Variants in RAB22A observed in about 807,000 individuals in gnomAD.
RAB22A encodes RAB22A, member RAS oncogene family.
Under a neutral mutation model 30.2 loss-of-function variants are expected in RAB22A, and 13 were observed. The observed-to-expected ratio is 0.43, with a 90% CI of 0.28 to 0.68. The LOEUF (loss-of-function observed/expected upper bound fraction) is 0.68. Ranked by LOEUF, RAB22A falls within the 30% of genes least tolerant of loss-of-function variation. The pLI, the probability that RAB22A is intolerant of heterozygous loss-of-function variation, is 0.18. For synonymous variants in RAB22A, 89 were observed against 87.2 expected (o/e 1.02, Z -0.11); for missense variants, 177 against 246.8 (o/e 0.72, Z 1.89).
At chr20:58,324,849 G>C (rs1181787972) in intron 2 of RAB22A, among the ~76,000 whole-genome samples, 4 of 122,638 alleles carry the variant, frequency 3.3e-5, no homozygotes, top group African/African-American at 1.2e-4. Context: ...CCTGGTGACA[G>C]AGCGAGACTC....
intron 2 of RAB22A, among the ~76,000 whole-genome samples, chr20:58,342,794 C>T (rs946290180): frequency 1.3e-5 from 2 of 152,042 alleles, no homozygotes; most frequent in Admixed American, 6.6e-5. Flanking sequence ...TCCTGGGAGG[C>T]TGCCCTCTGG....
intron 2 of RAB22A, among the ~76,000 whole-genome samples, chr20:58,326,674 A>G (rs1410267185): frequency 1.3e-5 from 2 of 152,104 alleles, no homozygotes; most frequent in Admixed American, 1.3e-4. Context: ...TTCCTTTGGG[A>G]ACTAGAGTAG....
At position 58,354,845 on chromosome 20, in the gene RAB22A, G is replaced by C. The variant is rs141681459; in HGVS notation, c.487+580G>C. ...TGTTCCAGGCTCAGGGGAAATAGCC[G>C]TGAAGAAGATAGACGCAGCCCCTGC... On this transcript the variant is annotated intron_variant, in intron 6 of 6. Transcript: ENST00000244040. Among the ~76,000 whole-genome samples, 646 of 152,318 alleles carry C rather than the reference G, an allele frequency of 4.2e-3. 5 individuals carry two copies. The highest frequency in any genetic ancestry group is 0.015 in the African/African-American group (630 of 41,566).
intron 2 of RAB22A, among the ~76,000 whole-genome samples, chr20:58,336,481 G>T (rs6128321): frequency 6.6e-6 from 1 of 152,122 alleles, no homozygotes; most frequent in African/African-American, 2.4e-5. Context: ...GAGACTTTAA[G>T]GATACTGCCT....
At chr20:58,344,235 A>G (rs1236310585) in intron 3 of RAB22A, among the ~76,000 whole-genome samples, 1 of 152,230 alleles carries the variant, frequency 6.6e-6, no homozygotes, top group Non-Finnish European at 1.5e-5. Context: ...AGTGAAAAGG[A>G]TAAGCTAACA....
intron 2 of RAB22A, among the ~76,000 whole-genome samples, chr20:58,335,424 TA>T (rs1216065341): frequency 6.6e-6 from 1 of 152,114 alleles, no homozygotes; most frequent in Non-Finnish European, 1.5e-5. Context: ...GTACTCAATA[TA>T]ATACAGGAAA....
intron 3 of RAB22A, among the ~76,000 whole-genome samples, chr20:58,344,229 A>T (rs763275344): frequency 6.6e-6 from 1 of 152,248 alleles, no homozygotes; most frequent in Non-Finnish European, 1.5e-5. Context: ...GATATAAGTG[A>T]AAAGGATAAG....
In RAB22A at chr20:58,341,748, C is replaced by CT. The variant is rs1986857082; in HGVS notation, c.117-1968dup. ...GTAATGTTTTAATTAAAGGTAAATG[C>CT]TTGGCAGGTAGGTTAAACTTCATTG... On this transcript the variant is annotated intron_variant, in intron 2 of 6. Coordinates refer to ENST00000244040, the MANE Select transcript of RAB22A (RefSeq NM_020673.3). Among the ~76,000 whole-genome samples, 20 of 152,254 alleles carry CT rather than the reference C, an allele frequency of 1.3e-4. No homozygotes were observed. In the South Asian group the frequency reaches 4.1e-3, roughly 32 times the overall value.
chr20:58,317,553 ATTC>A, intron 2 of RAB22A, among the ~76,000 whole-genome samples: 1 of 143,516 alleles, frequency 7.0e-6, no homozygotes, highest in African/African-American at 2.6e-5. Flanking sequence ...GGTAGTTATT[ATTC>A]TTTTTTTTTT....
At chr20:58,311,325 A>G (rs1986221941) in intron 2 of RAB22A, among the ~76,000 whole-genome samples, 1 of 152,228 alleles carries the variant, frequency 6.6e-6, no homozygotes, top group Non-Finnish European at 1.5e-5. Context: ...TGGGGGTGAG[A>G]ACTTCAAAAT....
chr20:58,321,157 C>T (rs1022240071), intron 2 of RAB22A, among the ~76,000 whole-genome samples: 2 of 150,652 alleles, frequency 1.3e-5, no homozygotes, highest in African/African-American at 4.9e-5. Flanking sequence ...CGCCACTGCC[C>T]TCCAGCCTGG....
intron 2 of RAB22A, among the ~76,000 whole-genome samples, chr20:58,321,969 T>G (rs1986469374): frequency 1.3e-5 from 2 of 152,176 alleles, no homozygotes; most frequent in South Asian, 4.1e-4. Context: ...TGGCTAATTT[T>G]TTTCATTTTT....
At chr20:58,334,547 G>A (rs1223401983) in intron 2 of RAB22A, among the ~76,000 whole-genome samples, 1 of 151,290 alleles carries the variant, frequency 6.6e-6, no homozygotes, top group African/African-American at 2.4e-5. Context: ...GTTTTGCCTG[G>A]GATAGGGACA....
Position 58,337,591 on chromosome 20 carries a change from C to T in RAB22A, c.117-6127C>T, listed in dbSNP as rs565805203. Among the ~76,000 whole-genome samples, 7 of 152,262 alleles carry T rather than the reference C, an allele frequency of 4.6e-5. No homozygotes were observed. In the South Asian group the frequency reaches 1.5e-3, roughly 32 times the overall value. ...AATTATCTATTCACCTGACCAGTAC[C>T]CCCAGTGTAAGCCACTTGAGGGCTG... On this transcript the variant is annotated intron_variant, in intron 2 of 6. Coordinates refer to ENST00000244040, the MANE Select transcript of RAB22A (RefSeq NM_020673.3).
Position 58,361,930 on chromosome 20 carries a change from G to A in RAB22A, c.*2227G>A, listed in dbSNP as rs1332184898. The A allele has an allele frequency of 6.6e-6, 1 of 152,064 alleles. No homozygotes were observed. Among genetic ancestry groups the A allele is most frequent in the Non-Finnish European group, 1.5e-5 (1 of 68,026 alleles). 9.4% of individuals were successfully genotyped at this position (152,064 alleles called of 1,614,324 possible). On this transcript the variant is annotated 3_prime_UTR_variant, in exon 7 of 7. Coordinates refer to ENST00000244040, the MANE Select transcript of RAB22A (RefSeq NM_020673.3). ...TGGATGTGTCTGATCTTACTGTGATGTTTTACTGTACCGAGCCCAATGTGG... is the reference window on the plus strand; with the variant it reads ...TGGATGTGTCTGATCTTACTGTGATATTTTACTGTACCGAGCCCAATGTGG...
intron 3 of RAB22A, chr20:58,345,738 C>T (rs1342155826): frequency 6.6e-6 from 1 of 152,230 alleles, no homozygotes; most frequent in Non-Finnish European, 1.5e-5. Context: ...GTCTTGTAAG[C>T]CTGTCTGGGT....
intron 2 of RAB22A, among the ~76,000 whole-genome samples, chr20:58,316,687 G>A (rs1986346832): frequency 6.6e-6 from 1 of 152,158 alleles, no homozygotes; most frequent in Admixed American, 6.5e-5. Flanking sequence ...TTAAGCTCTA[G>A]ACCTGCAGAT....
intron 5 of RAB22A, among the ~76,000 whole-genome samples, 156 bp downstream of exon 5, chr20:58,353,694 A>C (rs1478362937): frequency 6.6e-6 from 1 of 152,230 alleles, no homozygotes; most frequent in Non-Finnish European, 1.5e-5. Context: ...AACTAAAATT[A>C]AGATTTCAGG....
Position 58,309,966 on chromosome 20 carries a change from G to C in RAB22A, c.-11G>C. 1.6e-6 allele frequency: 2 copies of C among 1,264,798 alleles called. No homozygotes were observed. The highest frequency in any genetic ancestry group is 2.0e-6 in the Non-Finnish European group (2 of 997,296). 78.3% of individuals were successfully genotyped at this position (1,264,798 alleles called of 1,614,324 possible). On this transcript the variant is annotated 5_prime_UTR_variant, in exon 1 of 7. Transcript: ENST00000244040. ...GGGCGGCGGCGGGCCCGCGCCCCTG[G>C]CTCCCGGGCCATGGCGCTGAGGGAG...
Sources: allele counts gnomAD v4.1 joint callset (sites outside exome capture counted in the v4.1 genomes callset), GRCh38; gene constraint gnomAD v4.1.1; transcripts MANE v1.5; gene names NCBI Gene and HGNC (gene_info 2026-07-23, HGNC 2026-07-21).